The following OBSL1 variants were observed in gnomAD, a reference collection of about 807,000 sequenced individuals.
OBSL1 encodes the protein obscurin-like protein 1.
Under a neutral mutation model 172.0 loss-of-function variants are expected in OBSL1, and 160 were observed. The ratio of observed to expected loss-of-function variants is 0.93; its 90% CI spans 0.82 to 1.06. The LOEUF is 1.06. OBSL1 is among the 50% of genes least tolerant of loss of function. The pLI is 0.00. For synonymous variants in OBSL1, 1,200 were observed against 1,196.3 expected, an observed-to-expected ratio of 1.00 and a Z score of -0.06; for missense variants, 2,681 against 2,715.4, an observed-to-expected ratio of 0.99 and a Z score of 0.28.
chr2:219,549,661 G>A, downstream of OBSL1: 1 of 1,597,736 alleles, frequency 6.3e-7, no homozygotes, highest in South Asian at 1.1e-5. Context: ...AGGAAGAGGT[G>A]GCTTTTAGGG....
chr2:219,562,831 G>A lies in OBSL1; in HGVS notation c.2681-157C>T, dbSNP rs1574557149. 1.5e-5 allele frequency: 11 copies of A among 752,888 alleles called. No individual in the cohort carries two copies. In the South Asian group the frequency reaches 1.5e-4, roughly 10 times the overall value. 46.6% of individuals were successfully genotyped at this position (752,888 alleles called of 1,614,324 possible). ...AGCAGCTGACAGTTACTCACAGCTA[G>A]AGACACACGAATACAGCTGTCACAA... On this transcript the variant is annotated intron_variant, in intron 7 of 20. Coordinates refer to ENST00000404537, the MANE Select transcript of OBSL1 (RefSeq NM_015311.3).
At chr2:219,549,090 A>C (rs12996671), downstream of OBSL1, 2 of 1,585,352 alleles carry the variant, frequency 1.3e-6, no homozygotes, top group South Asian at 2.2e-5. Context: ...TGAGAGAGGG[A>C]GGGCTCAAGG....
rs1056908 is a variant in OBSL1, at chr2:219,555,831, C to T, written c.4609+189G>A. ...CAATGGAATGCAAAATCCACATGGACTTCTAAGGTAAATAAAAAATATTAG... is the reference window on the plus strand; with the variant it reads ...CAATGGAATGCAAAATCCACATGGATTTCTAAGGTAAATAAAAAATATTAG... On this transcript the variant is annotated intron_variant, in intron 14 of 20. Coordinates refer to ENST00000404537, the MANE Select transcript of OBSL1 (RefSeq NM_015311.3). The T allele has an allele frequency of 0.52, 737,611 of 1,411,644 alleles. 196,611 individuals are homozygous for T. The highest frequency in any genetic ancestry group is 0.73 in the South Asian group (41,887 of 57,232). 87.4% of individuals were successfully genotyped at this position (1,411,644 alleles called of 1,614,324 possible). A position where few individuals can be genotyped will look rare whatever the true frequency, so the allele number is the denominator to read the frequency against.
chr2:219,557,540 A>T lies in OBSL1; in HGVS notation c.3869T>A (p.Val1290Glu). The T allele has an allele frequency of 6.4e-7, 1 of 1,552,744 alleles. No homozygotes were observed. Among genetic ancestry groups the T allele is most frequent in the South Asian group, 1.2e-5 (1 of 84,092 alleles). Residue 1290 changes from valine (V) to glutamate (E), a missense_variant, in exon 12 of 21, where the codon GTG becomes GAG. Physicochemically the swap from Val to Glu is moderately radical, Grantham distance 121. Around this residue, in one of 5 missense-constraint regions of OBSL1, gnomAD observed 1,765 missense variants for 1,748.3 expected, o/e 1.01. Transcript: ENST00000404537. ...GCCCCCTGGCCCGGAGAGGTGCACC[A>T]CCAGCTCTAGGTCCCCGCCTGGGGT... is the stretch of plus-strand genomic sequence containing the variant. ...RSTPGGDLEL[V>E]VHLSGPGGPV...
Position 219,550,821 on chromosome 2 carries a change from C to T in OBSL1, c.*14G>A, listed in dbSNP as rs377608362. ...AGCTGTCCAAGGGCACCCGCCTGGC[C>T]TGGTTAGGTTCTCCTAGTTGCCTGC... is the stretch of plus-strand genomic sequence containing the variant. On this transcript the variant is annotated 3_prime_UTR_variant, in exon 21 of 21. Coordinates refer to ENST00000404537, the MANE Select transcript of OBSL1 (RefSeq NM_015311.3). The T allele has an allele frequency of 1.2e-6, 2 of 1,611,374 alleles. No homozygotes were observed. Among genetic ancestry groups the T allele is most frequent in the African/African-American group, 1.3e-5 (1 of 74,894 alleles).
In OBSL1 at chr2:219,557,849, C is replaced by T. The variant is rs1048738480; in HGVS notation, c.3764G>A (p.Ser1255Asn). The T allele has an allele frequency of 6.3e-7, 1 of 1,599,938 alleles. No homozygotes were observed. The highest frequency in any genetic ancestry group is 1.1e-5 in the South Asian group (1 of 90,990). Residue 1255 changes from serine (S) to asparagine (N), a missense_variant, in exon 11 of 21, where the codon AGC becomes AAC. Physicochemically the swap from Ser to Asn is conservative, Grantham distance 46. Transcript: ENST00000404537. ...AGCCACCTGGACGGTGAAGCTGAGG[C>T]TTGGGGCTCCGGGGGCTGCTCCAGA... ...CQSGAAPGAP[S>N]LSFTVQVAEP... is the part of the protein sequence containing the mutation.
chr2:219,549,843 G>T (rs764888043), downstream of OBSL1: 2 of 1,614,086 alleles, frequency 1.2e-6, no homozygotes, highest in Admixed American at 1.7e-5. Flanking sequence ...AGGCCCCCCA[G>T]TGCGGGTATA....
intron 15 of OBSL1, 196 bp downstream of exon 15, chr2:219,554,278 A>C: frequency 1.5e-6 from 1 of 662,136 alleles, no homozygotes; most frequent in East Asian, 2.7e-5. Context: ...GTCAGGGGCC[A>C]CACCCAGGCA....
At chr2:219,561,079 A>C (rs923859755) in intron 8 of OBSL1, among the ~76,000 whole-genome samples, 1 of 152,112 alleles carries the variant, frequency 6.6e-6, no homozygotes, top group Non-Finnish European at 1.5e-5. Flanking sequence ...TGATTACGAC[A>C]GGGCAGAATA....
chr2:219,557,605 C>T lies in OBSL1; in HGVS notation c.3804G>A (p.Arg1268=). ...FTVQVAEPPV[R]VVAPEAAQTR... is the part of the protein sequence containing the mutation. Reference sequence around the variant, plus strand: ...TCTGGGCTGCCTCGGGAGCTACCACCCGCACAGGGGGCTCTGTGGAGTCAG... The same window carrying T: ...TCTGGGCTGCCTCGGGAGCTACCACTCGCACAGGGGGCTCTGTGGAGTCAG... The change falls in exon 12 of 21, where the codon CGG becomes CGA. Residue 1268 remains arginine (R), a synonymous_variant. Transcript: ENST00000404537. 1 of 1,543,278 alleles carries T rather than the reference C, an allele frequency of 6.5e-7. No individual in the cohort carries two copies. The highest frequency in any genetic ancestry group is 8.8e-7 in the Non-Finnish European group (1 of 1,141,722).
At chr2:219,547,724 C>T, downstream of OBSL1, 2 of 1,586,014 alleles carry the variant, frequency 1.3e-6, no homozygotes, top group Non-Finnish European at 8.5e-7. Context: ...CGGCCTGCTG[C>T]TCGCAGCTGC....
chr2:219,562,418 G>A lies in OBSL1; in HGVS notation c.2937C>T (p.Phe979=). Residue 979 remains phenylalanine (F), a synonymous_variant, in exon 8 of 21, where the codon TTC becomes TTT. Transcript: ENST00000404537. ...GGCCCACACCTGTGACGGTGACAGT[G>A]AAGGAGGCCGACTCATCGTCAATTT... ...LCEIDDESAS[F]TVTVTEPPVR... 1 of 1,613,734 alleles carries A rather than the reference G, an allele frequency of 6.2e-7. No individual in the cohort carries two copies.
Position 219,568,416 on chromosome 2 carries a change from T to C in OBSL1, c.1013-92A>G. On this transcript the variant is annotated intron_variant, in intron 1 of 20. Transcript: ENST00000404537. This position sits in a 1 kb window ranked among gnomAD's most constrained non-coding sequence, Gnocchi z 4.1. The stretch of plus-strand genomic sequence containing the variant: ...TAGAAGCGCATTAGCTCATGCTGTG[T>C]GCTCTTCATGCAGAGCCAGCGGGCA... 8.1e-7 allele frequency: 1 copy of C among 1,234,808 alleles called. No homozygotes were observed. The highest frequency in any genetic ancestry group is 1.5e-5 in the South Asian group (1 of 65,212). The allele number at this position is 1,234,808 out of a possible 1,614,324, so 76.5% of individuals were successfully genotyped here. A position where few individuals can be genotyped will look rare whatever the true frequency, so the allele number is the denominator to read the frequency against.
rs1261206288 is a variant in OBSL1 at position 219,552,968 on chromosome 2, G to C, written c.5046C>G (p.Arg1682=). 6.5e-7 allele frequency: 1 copy of C among 1,532,218 alleles called. No homozygotes were observed. The highest frequency in any genetic ancestry group is 2.5e-5 in the East Asian group (1 of 39,960). The allele number at this position is 1,532,218 out of a possible 1,614,324, so 94.9% of individuals were successfully genotyped here. ...CGCAGCGTCGCAGCTGGAGAAGGCG[G>C]CGCGTGCCGAGGGCCTGGAGCCGGA... ...PRLRLQALGT[R]RLLQLRRCGP... The change falls in exon 17 of 21, where the codon CGC becomes CGG. Residue 1682 remains arginine, a synonymous_variant. Transcript: ENST00000404537.
rs528672979 is a variant in OBSL1 at position 219,560,931 on chromosome 2, C to G, written c.2954-1434G>C. Among the ~76,000 whole-genome samples the G allele has an allele frequency of 2.0e-5, 3 of 152,286 alleles. No homozygotes were observed. In the South Asian group the frequency reaches 6.2e-4, roughly 32 times the overall value. ...AGCTTGGTGTCAGACTTGATTCGCT[C>G]TGGCCTAGAGCAGAGGTGGTGTTTG... On this transcript the variant is annotated intron_variant, in intron 8 of 20. Coordinates refer to ENST00000404537, the MANE Select transcript of OBSL1 (RefSeq NM_015311.3).
rs1697261119 is a variant in OBSL1, at chr2:219,570,461, T to C, written c.772A>G (p.Asn258Asp). 1.2e-6 allele frequency: 2 copies of C among 1,612,932 alleles called. No individual in the cohort carries two copies. The highest frequency in any genetic ancestry group is 1.1e-5 in the South Asian group (1 of 91,084). The change falls in exon 1 of 21, where the codon AAC becomes GAC. Residue 258 changes from asparagine (N) to aspartate (D), a missense_variant. Asn to Asp is a conservative substitution (Grantham distance 23). Around this residue, in one of 5 missense-constraint regions of OBSL1, gnomAD observed 706 missense variants for 695.8 expected, o/e 1.01. Transcript: ENST00000404537. ...LKCAPKTFWV[N>D]EGKHAKFRCY... ...CGGAACTTGGCGTGCTTGCCCTCGT[T>C]CACCCAGAAGGTCTTAGGCGCGCAC... is the stretch of plus-strand genomic sequence containing the variant.
chr2:219,549,982 T>C (rs868260033), downstream of OBSL1: 78 of 1,260,456 alleles, frequency 6.2e-5, 1 homozygote, highest in Middle Eastern at 1.1e-3. Context: ...GCCTGGTCAC[T>C]AGAAGGGAGG....
chr2:219,556,744 G>A (rs370154023), intron 12 of OBSL1, 21 bp from the exon 13 acceptor site: 34 of 1,578,364 alleles, frequency 2.2e-5, no homozygotes, highest in Non-Finnish European at 2.6e-6. Context: ...CGGTAAGGCA[G>A]TGAGCTGGGC....
At chr2:219,550,929 A>G (rs914844005) in intron 20 of OBSL1, 87 bp from the exon 21 acceptor site, 5 of 1,562,272 alleles carry the variant, frequency 3.2e-6, no homozygotes, top group East Asian at 2.4e-5. Context: ...ACCAGTACAC[A>G]AAGAGCTGGG....
Sources: gnomAD v4.1 joint callset for allele counts (sites outside exome capture counted in the v4.1 genomes callset) on GRCh38, gnomAD v4.1.1 for gene constraint, gnomAD v4.1.1 regional missense constraint, Gnocchi (gnomAD v3.1) non-coding constraint, MANE v1.5 for transcripts, NCBI Gene and HGNC (gene_info 2026-07-23, HGNC 2026-07-21) for gene names.